Variants in KHDRBS2 observed in about 807,000 individuals in gnomAD.
KHDRBS2 encodes KH domain-containing, RNA-binding, signal transduction-associated protein 2.
Under a neutral mutation model 44.3 loss-of-function variants are expected in KHDRBS2, and 26 were observed. That is an observed-to-expected ratio of 0.59 (90% CI 0.43 to 0.81). The LOEUF is 0.81. KHDRBS2 is among the 40% of genes least tolerant of loss of function. The probability of loss-of-function intolerance (pLI) is 0.00; values close to 1 mark genes in which losing one functional copy is unlikely to be tolerated. For missense variants in KHDRBS2, 476 were observed against 433.1 expected (o/e 1.10, Z -0.88); for synonymous variants, 194 against 151.1 (o/e 1.28, Z -2.08).
At chr6:61,985,733 T>A (rs1774941484) in intron 3 of KHDRBS2, among the ~76,000 whole-genome samples, 1 of 152,176 alleles carries the variant, frequency 6.6e-6, no homozygotes, top group South Asian at 2.1e-4. Flanking sequence ...GACATGATGA[T>A]GTCTCAGGTT....
intron 6 of KHDRBS2, among the ~76,000 whole-genome samples, chr6:61,820,714 A>T (rs62416613): frequency 0.36 from 54,171 of 151,872 alleles, 10,502 homozygotes; most frequent in African/African-American, 0.52. Flanking sequence ...CAGACTACAG[A>T]CATACACAAT....
At chr6:61,549,300 T>G in the KHDRBS2 span, among the ~76,000 whole-genome samples, 129,742 of 152,170 alleles carry the variant, frequency 0.85, 55,766 homozygotes, top group African/African-American at 0.94. Flanking sequence ...TGTGGTACTG[T>G]TTCAAACACA....
chr6:61,610,949 T>C, the KHDRBS2 span, among the ~76,000 whole-genome samples: 1 of 152,206 alleles, frequency 6.6e-6, no homozygotes, highest in Non-Finnish European at 1.5e-5. Context: ...GTTGTTGGGA[T>C]TTAATACTGA....
chr6:62,175,918 T>C (rs1820997065), intron 2 of KHDRBS2, among the ~76,000 whole-genome samples: 1 of 151,392 alleles, frequency 6.6e-6, no homozygotes. Context: ...CATTTTTATT[T>C]AGAGGCAGGT....
chr6:61,752,671 C>CAAAAA (rs56410130), intron 6 of KHDRBS2, among the ~76,000 whole-genome samples: 21 of 111,282 alleles, frequency 1.9e-4, no homozygotes, highest in Non-Finnish European at 3.4e-4. Context: ...TTGTGGTATA[C>CAAAAA]AAAAAAAAAA....
the KHDRBS2 span, among the ~76,000 whole-genome samples, chr6:61,634,686 C>T: frequency 4.6e-5 from 7 of 151,928 alleles, no homozygotes; most frequent in African/African-American, 7.3e-5. Context: ...AATCTGTAAA[C>T]GTAGGCATAA....
chr6:62,109,315 T>A (rs1804439586), intron 2 of KHDRBS2, among the ~76,000 whole-genome samples: 1 of 152,042 alleles, frequency 6.6e-6, no homozygotes, highest in Admixed American at 6.6e-5. Flanking sequence ...TTAAAAAAAG[T>A]ACTTTCCAAT....
At chr6:61,631,646 C>T in the KHDRBS2 span, among the ~76,000 whole-genome samples, 1 of 151,986 alleles carries the variant, frequency 6.6e-6, no homozygotes, top group African/African-American at 2.4e-5. Context: ...CTGGGAGCAA[C>T]AATATGGCAG....
At chr6:62,063,349 T>A (rs954027957) in intron 2 of KHDRBS2, among the ~76,000 whole-genome samples, 2 of 151,226 alleles carry the variant, frequency 1.3e-5, no homozygotes, top group African/African-American at 4.9e-5. Flanking sequence ...TAGACCAATA[T>A]CCTTGATGAA....
the KHDRBS2 span, among the ~76,000 whole-genome samples, chr6:61,595,113 AC>A: frequency 6.6e-6 from 1 of 152,116 alleles, no homozygotes; most frequent in South Asian, 2.1e-4. Flanking sequence ...TCTTTTTAAT[AC>A]TATATAAAAT....
At chr6:62,164,305 T>C (rs575651538) in intron 2 of KHDRBS2, among the ~76,000 whole-genome samples, 4 of 152,060 alleles carry the variant, frequency 2.6e-5, no homozygotes, top group Non-Finnish European at 5.9e-5. Context: ...AAATGAGTCA[T>C]ATGTAAAAAC....
At chr6:61,611,257 C>A in the KHDRBS2 span, among the ~76,000 whole-genome samples, 1 of 152,270 alleles carries the variant, frequency 6.6e-6, no homozygotes, top group African/African-American at 2.4e-5. Flanking sequence ...CCAATCTGTT[C>A]TTGAGAGCTT....
At chr6:61,648,860 G>T in the KHDRBS2 span, among the ~76,000 whole-genome samples, 1 of 151,888 alleles carries the variant, frequency 6.6e-6, no homozygotes, top group African/African-American at 2.4e-5. Flanking sequence ...TTATTTTTAG[G>T]CACTCTTCCT....
chr6:61,602,617 T>G, the KHDRBS2 span, among the ~76,000 whole-genome samples: 2 of 152,126 alleles, frequency 1.3e-5, no homozygotes, highest in Admixed American at 1.3e-4. Flanking sequence ...ACACCATCAC[T>G]GACGCCAAGC....
intron 1 of KHDRBS2, among the ~76,000 whole-genome samples, chr6:62,203,278 C>T (rs1330170695): frequency 6.6e-6 from 1 of 151,992 alleles, no homozygotes; most frequent in African/African-American, 2.4e-5. Flanking sequence ...AACTGAAATA[C>T]ATGTTGGGGC....
intron 1 of KHDRBS2, among the ~76,000 whole-genome samples, chr6:62,197,927 A>AGAAACTCACTCCAAACCACT (rs1406133464): frequency 6.6e-6 from 1 of 152,228 alleles, no homozygotes; most frequent in African/African-American, 2.4e-5. Context: ...CTCAGCATTA[A>AGAAACTCACTCCAAACCACT]GAAACTCACT....
the KHDRBS2 span, among the ~76,000 whole-genome samples, chr6:61,545,031 A>G: frequency 0.21 from 32,120 of 151,820 alleles, 3,639 homozygotes; most frequent in East Asian, 0.3. Context: ...GTATACATAT[A>G]TAACAAACCT....
At chr6:62,100,952 T>G (rs569249022) in intron 2 of KHDRBS2, among the ~76,000 whole-genome samples, 4 of 152,316 alleles carry the variant, frequency 2.6e-5, no homozygotes, top group African/African-American at 9.6e-5. Context: ...AGCAAATTGA[T>G]GAGAATAAAC....
At chr6:62,231,617 A>G (rs1045976181) in intron 1 of KHDRBS2, among the ~76,000 whole-genome samples, 11 of 152,182 alleles carry the variant, frequency 7.2e-5, no homozygotes, top group African/African-American at 1.9e-4. Context: ...CAGTGAGAAC[A>G]ATAAAATCAT....
Sources: gnomAD v4.1 joint callset for allele counts (sites outside exome capture counted in the v4.1 genomes callset) on GRCh38, gnomAD v4.1.1 for gene constraint, MANE v1.5 for transcripts, NCBI Gene and HGNC (gene_info 2026-07-23, HGNC 2026-07-21) for gene names.